Variants in MUC7 observed in about 807,000 individuals in gnomAD.
MUC7 encodes the protein mucin 7, secreted, also known as mucin-7.
MUC7 carries 2 observed loss-of-function variants against 2.5 expected under a neutral mutation model. The observed-to-expected ratio is 0.81, with a 90% confidence interval of 0.33 to 2.55. The LOEUF (loss-of-function observed/expected upper bound fraction) is 2.55. MUC7 is among the 30% of genes most tolerant of loss of function. The pLI, the probability that MUC7 is intolerant of heterozygous loss-of-function variation, is 0.11. For synonymous variants in MUC7, 133 were observed against 173.4 expected, an observed-to-expected ratio of 0.77 and a Z score of 1.83; for missense variants, 408 against 455.6, an observed-to-expected ratio of 0.90 and a Z score of 0.95.
chr4:70,473,065 A>G (rs966724054), intron 1 of MUC7, among the ~76,000 whole-genome samples: 2 of 152,330 alleles, frequency 1.3e-5, no homozygotes, highest in South Asian at 4.1e-4. Context: ...AAAAATATGT[A>G]TTAAGTCTGC....
intron 1 of MUC7, among the ~76,000 whole-genome samples, chr4:70,454,175 C>T (rs1016351854): frequency 6.6e-6 from 1 of 152,152 alleles, no homozygotes; most frequent in African/African-American, 2.4e-5. Context: ...TCATATGCCT[C>T]CCATGTCCAC....
intron 1 of MUC7, among the ~76,000 whole-genome samples, chr4:70,439,682 T>C (rs1030230578): frequency 6.6e-6 from 1 of 152,106 alleles, no homozygotes; most frequent in South Asian, 2.1e-4. Context: ...TACAATGGTT[T>C]CTTATCTTAA....
At chr4:70,451,291 T>G (rs1440189570) in intron 1 of MUC7, among the ~76,000 whole-genome samples, 1 of 152,160 alleles carries the variant, frequency 6.6e-6, no homozygotes, top group East Asian at 1.9e-4. Flanking sequence ...CCAGAGATGC[T>G]CTCCACACCA....
chr4:70,437,437 C>A (rs1733874768), intron 1 of MUC7, among the ~76,000 whole-genome samples: 1 of 152,162 alleles, frequency 6.6e-6, no homozygotes, highest in Non-Finnish European at 1.5e-5. Flanking sequence ...GGCAAATGCC[C>A]CTCCCCCCGC....
Position 70,477,403 on chromosome 4 carries a change from T to C in MUC7, c.54+3328T>C, listed in dbSNP as rs1735034569. Among the ~76,000 whole-genome samples, 3 of 152,186 alleles carry C rather than the reference T, an allele frequency of 2.0e-5. No homozygotes were observed. The South Asian group carries it at 6.2e-4, about 32-fold the overall frequency. On this transcript the variant is annotated intron_variant, in intron 2 of 2. Coordinates refer to ENST00000304887, the MANE Select transcript of MUC7 (RefSeq NM_152291.3). ...CCAACTGGGTGACAGAGTGAGACTC[T>C]GTCTCAAAATACAAAAGTAAAAAAT...
chr4:70,438,600 G>C (rs546300176), intron 1 of MUC7, among the ~76,000 whole-genome samples: 96 of 152,144 alleles, frequency 6.3e-4, no homozygotes, highest in African/African-American at 2.1e-3. Flanking sequence ...GGGACTACGG[G>C]CATGCACCAC....
chr4:70,433,018 T>C lies in MUC7; in HGVS notation c.-93+2331T>C, dbSNP rs1203547233. 1.1e-4 allele frequency among the ~76,000 whole-genome samples: 17 copies of C among 152,222 alleles called. 1 individual carries two copies. The highest frequency in any genetic ancestry group is 1.1e-3 in the Admixed American group (17 of 15,280). ...TCCCCATTGCTTGCTTTTGTCAGGT[T>C]TGTCCAAGATCAGATGGTTGTAGAT... On this transcript the variant is annotated intron_variant, in intron 1 of 3. Coordinates refer to the MUC7 transcript ENST00000413702.
chr4:70,467,542 A>G (rs1292242806), upstream of MUC7, among the ~76,000 whole-genome samples: 2 of 152,204 alleles, frequency 1.3e-5, no homozygotes, highest in East Asian at 3.8e-4. Flanking sequence ...AAGAGAGAAG[A>G]ATCAAATAGA....
chr4:70,439,526 C>A (rs1347437707), intron 1 of MUC7, among the ~76,000 whole-genome samples: 1 of 152,158 alleles, frequency 6.6e-6, no homozygotes, highest in Non-Finnish European at 1.5e-5. Flanking sequence ...TTTAGTTCAT[C>A]ATACCTAGTA....
chr4:70,448,720 G>C (rs1734202846), intron 1 of MUC7, among the ~76,000 whole-genome samples: 1 of 152,136 alleles, frequency 6.6e-6, no homozygotes, highest in African/African-American at 2.4e-5. Context: ...CATTCTGTGG[G>C]TTGTCTCATC....
chr4:70,447,096 A>G (rs1468414262), intron 1 of MUC7, among the ~76,000 whole-genome samples: 1 of 152,170 alleles, frequency 6.6e-6, no homozygotes, highest in Non-Finnish European at 1.5e-5. Context: ...CAACCTTTCC[A>G]AAAGTATCAC....
chr4:70,442,535 T>C (rs570225914), intron 1 of MUC7, among the ~76,000 whole-genome samples: 31 of 152,286 alleles, frequency 2.0e-4, no homozygotes, highest in African/African-American at 7.2e-4. Flanking sequence ...GGGGTACATA[T>C]GCACAGTAGC....
chr4:70,478,545 AG>A (rs774374359), intron 2 of MUC7, among the ~76,000 whole-genome samples: 70 of 152,350 alleles, frequency 4.6e-4, no homozygotes, highest in South Asian at 2.5e-3. Context: ...AAAGTCACTC[AG>A]CTATTCAGTG....
upstream of MUC7, among the ~76,000 whole-genome samples, chr4:70,471,380 T>C (rs143735915): frequency 1.8e-3 from 269 of 152,194 alleles, no homozygotes; most frequent in Non-Finnish European, 3.1e-4. Flanking sequence ...AGGAACAAAA[T>C]GACTAAAAAT....
intron 1 of MUC7, among the ~76,000 whole-genome samples, chr4:70,456,234 C>T (rs1210503586): frequency 1.3e-5 from 2 of 152,116 alleles, no homozygotes; most frequent in East Asian, 3.9e-4. Flanking sequence ...TCAGAAGACT[C>T]TGAAAACATT....
Position 70,461,296 on chromosome 4 carries a change from A to G in MUC7, c.-92-10919A>G, listed in dbSNP as rs112195600. Among the ~76,000 whole-genome samples the G allele has an allele frequency of 2.5e-4, 38 of 152,358 alleles. 3 individuals are homozygous for G. Among genetic ancestry groups the G allele is most frequent in the African/African-American group, 8.2e-4 (34 of 41,582 alleles). On this transcript the variant is annotated intron_variant, in intron 1 of 3. Coordinates refer to the MUC7 transcript ENST00000413702. ...CTTGAACCTGCGTCAGATCACAATC[A>G]AATTTAATTCACCAGTTTATCCTAG...
intron 1 of MUC7, among the ~76,000 whole-genome samples, chr4:70,439,607 T>A (rs978936966): frequency 6.6e-6 from 1 of 152,204 alleles, no homozygotes; most frequent in East Asian, 1.9e-4. Flanking sequence ...ATATAATATT[T>A]ATCTTAAAGT....
At chr4:70,437,345 C>T (rs932206153) in intron 1 of MUC7, among the ~76,000 whole-genome samples, 3 of 152,242 alleles carry the variant, frequency 2.0e-5, no homozygotes, top group Non-Finnish European at 4.4e-5. Context: ...TGCTGAGCTG[C>T]AGTGGGCTCC....
At chr4:70,463,341 G>A (rs1224786034) in intron 1 of MUC7, among the ~76,000 whole-genome samples, 2 of 152,184 alleles carry the variant, frequency 1.3e-5, no homozygotes, top group East Asian at 3.9e-4. Context: ...GGGGCTGGGG[G>A]TCAACATAAA....
Sources: allele counts gnomAD v4.1 joint callset (sites outside exome capture counted in the v4.1 genomes callset), GRCh38; gene constraint gnomAD v4.1.1; transcripts MANE v1.5; gene names NCBI Gene and HGNC (gene_info 2026-07-23, HGNC 2026-07-21).